The following LAT2 variants were observed in gnomAD, a reference collection of about 807,000 sequenced individuals.
LAT2 encodes the protein linker for activation of T-cells family member 2.
A neutral mutation model predicts 43.4 loss-of-function variants in LAT2; 23 were observed. That is an observed-to-expected ratio of 0.53 (90% confidence interval 0.38 to 0.75). The LOEUF (loss-of-function observed/expected upper bound fraction) is 0.75, where lower values mean the gene tolerates loss of function less well. Among genes scored for constraint, LAT2 ranks in the 30% least tolerant of loss-of-function variants. The pLI is 0.00. For synonymous variants in LAT2, 128 were observed against 123.2 expected (o/e 1.04, Z -0.26); for missense variants, 284 against 310.2 (o/e 0.92, Z 0.64).
At position 74,220,669 on chromosome 7, in the gene LAT2, AG is replaced by A; in HGVS notation, c.302-31del. 1.2e-6 allele frequency: 2 copies of A among 1,613,646 alleles called. No homozygotes were observed. The highest frequency in any genetic ancestry group is 1.7e-6 in the Non-Finnish European group (2 of 1,179,720). On this transcript the variant is annotated intron_variant, in intron 8 of 13. Coordinates refer to ENST00000460943, the MANE Select transcript of LAT2 (RefSeq NM_032464.3). This position sits in a 1 kb window ranked among gnomAD's most constrained non-coding sequence, Gnocchi z 4.5. ...GGAGGCCATGGTGGGGGCCACACCC[AG>A]GGGCTCAGGCCCAATTCTCGCCTCC... is the stretch of plus-strand genomic sequence containing the variant.
chr7:74,224,554 G>A, intron 12 of LAT2, 85 bp from the exon 13 acceptor site: 1 of 1,193,694 alleles, frequency 8.4e-7, no homozygotes. Context: ...CTGTTTTGTG[G>A]AGTCTGGGGG....
intron 2 of LAT2, 78 bp from the exon 3 acceptor site, chr7:74,215,869 G>A: frequency 1.0e-6 from 1 of 971,782 alleles, no homozygotes; most frequent in Admixed American, 1.7e-5. Context: ...CAGGTATGGG[G>A]CTGTCCGAGC....
intron 1 of LAT2, among the ~76,000 whole-genome samples, chr7:74,212,667 C>G (rs554481601): frequency 6.6e-6 from 1 of 152,250 alleles, no homozygotes; most frequent in Non-Finnish European, 1.5e-5. Context: ...ACAAGTTGCT[C>G]CAACCTCACA....
At chr7:74,223,873 G>A (rs567986303) in intron 11 of LAT2, 90 bp downstream of exon 11, 120 of 1,494,080 alleles carry the variant, frequency 8.0e-5, no homozygotes, top group South Asian at 1.2e-4. Context: ...CTCAAAGGCC[G>A]CCCCCACTTT....
Position 74,221,685 on chromosome 7 carries a change from C to T in LAT2, c.381C>T (p.Pro127=). 1 of 1,612,658 alleles carries T rather than the reference C, an allele frequency of 6.2e-7. No homozygotes were observed. Among genetic ancestry groups the T allele is most frequent in the Non-Finnish European group, 8.5e-7 (1 of 1,179,366 alleles). ...ACAACTGGGGGCGGTTCTCGAAGCC[C>T]CCAGAAGGTGAGGCGAAGGACAAAG... is the stretch of plus-strand genomic sequence containing the variant. The part of the protein sequence containing the change: ...EYYNWGRFSK[P]PEDDDANSYE... Residue 127 remains proline, a synonymous_variant, in exon 10 of 14, where the codon CCC becomes CCT. Coordinates refer to ENST00000460943, the MANE Select transcript of LAT2 (RefSeq NM_032464.3).
rs1173659942 is a variant in LAT2 at position 74,224,141 on chromosome 7, AG to A, written c.574del (p.Asp192IlefsTer43). 6.2e-7 allele frequency: 1 copy of A among 1,614,016 alleles called. No individual in the cohort carries two copies. Among genetic ancestry groups the A allele is most frequent in the East Asian group, 2.2e-5 (1 of 44,890 alleles). On this transcript the variant is annotated frameshift_variant, in exon 12 of 14. Coordinates refer to ENST00000460943, the MANE Select transcript of LAT2 (RefSeq NM_032464.3). LOFTEE classifies it high-confidence loss of function. ...SASPEEDEES[E>X]DYQNSASIHQ... ...TCCCCGGAAGAAGATGAGGAATCTG[AG>A]GATTATCAGAACTCAGCATCCATCC...
At chr7:74,211,227 G>GAGTGAA (rs1801725431) in intron 1 of LAT2, among the ~76,000 whole-genome samples, 1 of 152,104 alleles carries the variant, frequency 6.6e-6, no homozygotes, top group Non-Finnish European at 1.5e-5. Context: ...CTGGATGGGA[G>GAGTGAA]AGTGAAAGTG....
chr7:74,216,986 T>C (rs1375969985), intron 4 of LAT2, 122 bp downstream of exon 4: 4 of 801,666 alleles, frequency 5.0e-6, no homozygotes, highest in Non-Finnish European at 8.5e-6. Context: ...TGCCAAGTTC[T>C]AGTGGGTCCC....
intron 4 of LAT2, among the ~76,000 whole-genome samples, 196 bp downstream of exon 4, chr7:74,217,060 A>AGGGAGGGCTTTGGGAGGCG (rs1802072476): frequency 6.6e-6 from 1 of 152,126 alleles, no homozygotes; most frequent in South Asian, 2.1e-4. Flanking sequence ...AGCTTGGGTT[A>AGGGAGGGCTTTGGGAGGCG]GGGAGGGCTT....
chr7:74,223,513 CT>C, intron 10 of LAT2, among the ~76,000 whole-genome samples: 1 of 152,128 alleles, frequency 6.6e-6, no homozygotes, highest in Non-Finnish European at 1.5e-5. Flanking sequence ...GACAGAGGAG[CT>C]CAGGGCTCAG....
intron 1 of LAT2, among the ~76,000 whole-genome samples, chr7:74,212,439 G>A (rs1279310613): frequency 4.0e-5 from 6 of 151,698 alleles, no homozygotes; most frequent in African/African-American, 1.2e-4. Flanking sequence ...GCACCTCCAC[G>A]CCTGGCTAAT....
At position 74,220,168 on chromosome 7, in the gene LAT2, C is replaced by T. The variant is rs1260865598; in HGVS notation, c.228-49C>T. 2 of 1,571,776 alleles carry T rather than the reference C, an allele frequency of 1.3e-6. No homozygotes were observed. Among genetic ancestry groups the T allele is most frequent in the Non-Finnish European group, 1.7e-6 (2 of 1,153,468 alleles). On this transcript the variant is annotated intron_variant, in intron 6 of 13. Transcript: ENST00000460943. The surrounding 1 kb of genome is among the most constrained non-coding windows in gnomAD (Gnocchi z 4.5). ...TATGGGGGGATGTGTCCTGGGGGGC[C>T]TCTCCCCTACAGCCCCTCCTTTAAC...
intron 4 of LAT2, 75 bp downstream of exon 4, chr7:74,216,939 C>A: frequency 7.7e-7 from 1 of 1,304,174 alleles, no homozygotes. Flanking sequence ...GAATTCCTAG[C>A]ACCCCATCCT....
At chr7:74,218,525 C>T (rs1554714548) in intron 4 of LAT2, among the ~76,000 whole-genome samples, 1 of 152,152 alleles carries the variant, frequency 6.6e-6, no homozygotes, top group Non-Finnish European at 1.5e-5. Flanking sequence ...GCATTCCCAG[C>T]AGCAGGAAGA....
Position 74,222,967 on chromosome 7 carries a change from T to C in LAT2, c.389-757T>C, listed in dbSNP as rs139337743. On this transcript the variant is annotated intron_variant, in intron 10 of 13. Coordinates refer to ENST00000460943, the MANE Select transcript of LAT2 (RefSeq NM_032464.3). ...CAGCTTCCCCATTACAAGGCCAAGA[T>C]GGGGTGCCAGGCGCTGAGGTGCCAT... Among the ~76,000 whole-genome samples the C allele has an allele frequency of 1.8e-3, 270 of 152,328 alleles. 1 individual carries two copies. Among genetic ancestry groups the C allele is most frequent in the African/African-American group, 5.9e-3 (244 of 41,572 alleles).
chr7:74,212,637 C>T (rs1801770095), intron 1 of LAT2, among the ~76,000 whole-genome samples: 1 of 152,108 alleles, frequency 6.6e-6, no homozygotes, highest in African/African-American at 2.4e-5. Flanking sequence ...TAGATTTGGT[C>T]CCATGAGCCC....
At chr7:74,211,289 T>G (rs1554713100) in intron 1 of LAT2, among the ~76,000 whole-genome samples, 3 of 152,058 alleles carry the variant, frequency 2.0e-5, no homozygotes, top group Non-Finnish European at 4.4e-5. Context: ...GAGCACAGAA[T>G]TTTTTTAAAC....
intron 10 of LAT2, among the ~76,000 whole-genome samples, chr7:74,222,361 A>C (rs1360248633): frequency 6.7e-6 from 1 of 149,068 alleles, no homozygotes; most frequent in Non-Finnish European, 1.5e-5. Flanking sequence ...AGATCGCACC[A>C]TTGCACTCCA....
intron 4 of LAT2, among the ~76,000 whole-genome samples, chr7:74,217,560 G>A (rs1802090200): frequency 6.6e-6 from 1 of 152,230 alleles, no homozygotes; most frequent in Admixed American, 6.5e-5. Flanking sequence ...AGAGAACCCG[G>A]CACAGGGTGA....
Sources: gnomAD v4.1 joint callset for allele counts (sites outside exome capture counted in the v4.1 genomes callset) on GRCh38, gnomAD v4.1.1 for gene constraint, Gnocchi (gnomAD v3.1) non-coding constraint, MANE v1.5 for transcripts, NCBI Gene and HGNC (gene_info 2026-07-23, HGNC 2026-07-21) for gene names.